CTNNA3: variants seen among roughly 807,000 people sequenced by gnomAD.
CTNNA3 encodes catenin alpha-3.
A neutral mutation model predicts 95.7 loss-of-function variants in CTNNA3; 76 were observed. The observed-to-expected ratio is 0.79, with a 90% CI of 0.66 to 0.96. CTNNA3 has a LOEUF of 0.96. CTNNA3 is among the 40% of genes least tolerant of loss of function. The pLI is 0.00. For missense variants in CTNNA3, 1,191 were observed against 1,089.8 expected (o/e 1.09, Z -1.31); for synonymous variants, 431 against 374.4 (o/e 1.15, Z -1.74).
At chr10:66,828,650 C>T (rs1268999724) in intron 7 of CTNNA3, among the ~76,000 whole-genome samples, 5 of 152,178 alleles carry the variant, frequency 3.3e-5, no homozygotes, top group South Asian at 2.1e-4. Flanking sequence ...AATAAAGATA[C>T]ACTTATTTTA....
intron 5 of CTNNA3, among the ~76,000 whole-genome samples, chr10:67,395,773 T>C (rs144095597): frequency 3.9e-5 from 6 of 152,300 alleles, no homozygotes; most frequent in African/African-American, 1.2e-4. Context: ...AACATTTCCA[T>C]TAATCCCACT....
chr10:66,069,859 T>C (rs1446861830), intron 14 of CTNNA3, among the ~76,000 whole-genome samples: 1 of 152,098 alleles, frequency 6.6e-6, no homozygotes, highest in Non-Finnish European at 1.5e-5. Flanking sequence ...TATAAAAAGG[T>C]GGATGTATAA....
chr10:66,599,119 G>A (rs1843827035), intron 10 of CTNNA3, among the ~76,000 whole-genome samples: 1 of 151,944 alleles, frequency 6.6e-6, no homozygotes, highest in Non-Finnish European at 1.5e-5. Context: ...ATAAAAGCTT[G>A]AGAAAGCTAC....
chr10:67,526,955 T>C (rs1417325229), intron 4 of CTNNA3, among the ~76,000 whole-genome samples: 1 of 152,186 alleles, frequency 6.6e-6, no homozygotes, highest in Non-Finnish European at 1.5e-5. Flanking sequence ...GACGAAATCA[T>C]TGATGCTTTA....
At chr10:66,170,253 T>TTTTC (rs972565504) in intron 13 of CTNNA3, among the ~76,000 whole-genome samples, 4 of 146,550 alleles carry the variant, frequency 2.7e-5, no homozygotes, top group Non-Finnish European at 6.0e-5. Flanking sequence ...TTTTTTTTTT[T>TTTTC]TTTTTTTTTT....
At chr10:67,181,219 C>T (rs760364564) in intron 6 of CTNNA3, among the ~76,000 whole-genome samples, 2 of 152,098 alleles carry the variant, frequency 1.3e-5, no homozygotes, top group Non-Finnish European at 2.9e-5. Flanking sequence ...TAATTTAAAA[C>T]AAAACTGCTT....
At chr10:67,062,022 C>T (rs1007820893) in intron 7 of CTNNA3, among the ~76,000 whole-genome samples, 4 of 152,040 alleles carry the variant, frequency 2.6e-5, no homozygotes, top group Admixed American at 1.3e-4. Context: ...ATAGTATAAC[C>T]CTTAGAAAGA....
intron 11 of CTNNA3, among the ~76,000 whole-genome samples, chr10:66,420,577 G>A (rs2132628747): frequency 6.6e-6 from 1 of 152,054 alleles, no homozygotes; most frequent in Admixed American, 6.6e-5. Flanking sequence ...GAGACGGGCA[G>A]GTCATGAGGT....
intron 1 of CTNNA3, among the ~76,000 whole-genome samples, chr10:67,720,055 T>C (rs923655005): frequency 2.0e-5 from 3 of 151,516 alleles, no homozygotes; most frequent in African/African-American, 7.3e-5. Flanking sequence ...CATTATGTAA[T>C]GCCCTTCTTT....
chr10:66,780,066 G>A (rs1384352790), intron 7 of CTNNA3, among the ~76,000 whole-genome samples: 1 of 152,072 alleles, frequency 6.6e-6, no homozygotes, highest in African/African-American at 2.4e-5. Context: ...AAGCTTATCA[G>A]GGACAGGTAT....
rs1384059711 is a variant in CTNNA3 at position 66,628,211 on chromosome 10, T to C, written c.1282-6427A>G. ...TTTATCTCTATCTGGAACTGAATCATTGTTAATATAAATTATTGTCTATTG... is the reference window on the plus strand; with the variant it reads ...TTTATCTCTATCTGGAACTGAATCACTGTTAATATAAATTATTGTCTATTG... On this transcript the variant is annotated intron_variant, in intron 9 of 17. Coordinates refer to ENST00000433211, the MANE Select transcript of CTNNA3 (RefSeq NM_013266.4). 2.0e-5 allele frequency among the ~76,000 whole-genome samples: 3 copies of C among 152,282 alleles called. No individual in the cohort carries two copies. In the East Asian group the frequency reaches 5.8e-4, roughly 29 times the overall value.
intron 7 of CTNNA3, among the ~76,000 whole-genome samples, chr10:66,968,094 G>T (rs1249238670): frequency 6.6e-6 from 1 of 152,016 alleles, no homozygotes; most frequent in Non-Finnish European, 1.5e-5. Context: ...TGACTGCTGA[G>T]CCTGAAAAAC....
intron 5 of CTNNA3, among the ~76,000 whole-genome samples, chr10:67,496,395 C>A (rs969063875): frequency 6.6e-6 from 1 of 152,102 alleles, no homozygotes; most frequent in African/African-American, 2.4e-5. Flanking sequence ...ACGTTCCCAG[C>A]CTTTCATAAT....
chr10:66,985,125 C>G (rs1850654392), intron 7 of CTNNA3, among the ~76,000 whole-genome samples: 1 of 152,130 alleles, frequency 6.6e-6, no homozygotes, highest in African/African-American at 2.4e-5. Flanking sequence ...TTCTGCAAGA[C>G]TAACATTATC....
At chr10:67,282,543 T>C (rs115451181) in intron 5 of CTNNA3, among the ~76,000 whole-genome samples, 3,223 of 152,330 alleles carry the variant, frequency 0.021, 121 homozygotes, top group African/African-American at 0.072. Flanking sequence ...ACTTTTATGT[T>C]TTCTTTTCTC....
At chr10:67,059,107 C>T (rs1049883304) in intron 7 of CTNNA3, among the ~76,000 whole-genome samples, 2 of 152,106 alleles carry the variant, frequency 1.3e-5, no homozygotes, top group Non-Finnish European at 2.9e-5. Flanking sequence ...GAATCTAATC[C>T]TTTAGTCATA....
intron 14 of CTNNA3, among the ~76,000 whole-genome samples, chr10:66,090,219 T>C (rs2133689421): frequency 6.6e-6 from 1 of 152,052 alleles, no homozygotes; most frequent in African/African-American, 2.4e-5. Context: ...TAAAGGACTT[T>C]GTACATAGGA....
intron 16 of CTNNA3, among the ~76,000 whole-genome samples, chr10:65,978,865 G>A (rs1488116506): frequency 6.6e-6 from 1 of 152,062 alleles, no homozygotes; most frequent in East Asian, 1.9e-4. Context: ...GCCTATGACA[G>A]CTGCTGTTTA....
Position 67,429,534 on chromosome 10 carries a change from C to T in CTNNA3, c.579+92308G>A, listed in dbSNP as rs185008660. Among the ~76,000 whole-genome samples the T allele has an allele frequency of 1.0e-3, 158 of 152,048 alleles. No individual in the cohort carries two copies. The Middle Eastern group carries it at 0.024, about 23-fold the overall frequency. ...GTTGTATATAGTTAGCTAAATAGAA[C>T]TCATTATTAGCTAGTAGAACTCAGC... On this transcript the variant is annotated intron_variant, in intron 5 of 17. Transcript: ENST00000433211.
Sources: allele counts gnomAD v4.1 joint callset (sites outside exome capture counted in the v4.1 genomes callset), GRCh38; gene constraint gnomAD v4.1.1; transcripts MANE v1.5; gene names NCBI Gene and HGNC (gene_info 2026-07-23, HGNC 2026-07-21).